Variants in PARD3 observed in about 807,000 individuals in gnomAD.
PARD3 encodes the protein par-3 family cell polarity regulator.
In PARD3, 75 loss-of-function variants were observed where a neutral mutation model predicts 155.4. The ratio of observed to expected loss-of-function variants is 0.48; its 90% CI spans 0.40 to 0.58. The LOEUF is 0.58. PARD3 is among the 20% of genes least tolerant of loss of function. The pLI is 0.00. For synonymous variants in PARD3, 576 were observed against 610.5 expected (o/e 0.94, Z 0.83); for missense variants, 1,642 against 1,721.7 (o/e 0.95, Z 0.82).
At chr10:34,517,180 T>A in intron 2 of PARD3, 21 bp from the exon 3 acceptor site, 1 of 1,607,700 alleles carries the variant, frequency 6.2e-7, no homozygotes, top group Non-Finnish European at 8.5e-7. Context: ...AAGGTAAATG[T>A]GCACTTATAA....
At chr10:34,219,829 A>T (rs891451289) in intron 22 of PARD3, among the ~76,000 whole-genome samples, 3 of 152,190 alleles carry the variant, frequency 2.0e-5, no homozygotes, top group Non-Finnish European at 4.4e-5. Flanking sequence ...TTGGCACTGT[A>T]CTAATCTATA....
In PARD3 at chr10:34,399,358, C is replaced by G; in HGVS notation, c.862G>C (p.Val288Leu). 6.2e-7 allele frequency: 1 copy of G among 1,611,416 alleles called. No individual in the cohort carries two copies. Among genetic ancestry groups the G allele is most frequent in the Non-Finnish European group, 8.5e-7 (1 of 1,177,560 alleles). The change falls in exon 7 of 25, where the codon GTA (valine) becomes CTA (leucine). Residue 288 changes from valine to leucine, a missense_variant. This residue lies in a region of PARD3 where 1,529 missense variants were observed against 1,587.3 expected (regional missense o/e 0.96). Coordinates refer to ENST00000374788, the MANE Select transcript of PARD3 (RefSeq NM_001184785.2). ...PNDGGPLGIH[V>L]VPFSARGGRT... The stretch of plus-strand genomic sequence containing the variant: ...CCGCCTCGAGCACTGAAAGGCACTA[C>G]GTGGATTCCCAGAGGCCCTCCATCG...
chr10:34,566,506 C>T (rs2085953519), intron 2 of PARD3, among the ~76,000 whole-genome samples: 3 of 152,216 alleles, frequency 2.0e-5, no homozygotes. Flanking sequence ...ATACATTATC[C>T]CGGAAATGCA....
intron 2 of PARD3, among the ~76,000 whole-genome samples, chr10:34,540,330 TAAA>T (rs554974256): frequency 1.4e-5 from 2 of 144,292 alleles, no homozygotes; most frequent in African/African-American, 2.5e-5. Flanking sequence ...CACACTATAT[TAAA>T]AAAAAAAAAA....
chr10:34,179,837 G>A (rs995302100), intron 22 of PARD3, among the ~76,000 whole-genome samples: 2 of 152,014 alleles, frequency 1.3e-5, no homozygotes, highest in Non-Finnish European at 2.9e-5. Flanking sequence ...TGTCCTTTAG[G>A]AAAAAGCAAA....
chr10:34,638,440 C>T (rs1348088190), intron 2 of PARD3, among the ~76,000 whole-genome samples: 1 of 152,164 alleles, frequency 6.6e-6, no homozygotes, highest in African/African-American at 2.4e-5. Flanking sequence ...TTCAGTACAT[C>T]TAGGTAGCAG....
intron 2 of PARD3, among the ~76,000 whole-genome samples, chr10:34,550,239 T>C (rs1214994108): frequency 6.6e-6 from 1 of 152,194 alleles, no homozygotes; most frequent in Non-Finnish European, 1.5e-5. Context: ...CTTTTATCTT[T>C]GAGACAGGAT....
intron 21 of PARD3, 59 bp downstream of exon 21, chr10:34,284,076 G>GA: frequency 3.2e-6 from 3 of 944,632 alleles, no homozygotes; most frequent in South Asian, 3.0e-5. Context: ...GAAGAAAGTA[G>GA]AAAGAAAAAA....
chr10:34,691,545 C>G (rs1019538377), intron 2 of PARD3, among the ~76,000 whole-genome samples: 16 of 152,110 alleles, frequency 1.1e-4, no homozygotes, highest in African/African-American at 3.4e-4. Flanking sequence ...TTCAATGCTA[C>G]CCCTATCAAA....
chr10:34,207,975 T>C (rs1951559255), intron 22 of PARD3, among the ~76,000 whole-genome samples: 1 of 152,252 alleles, frequency 6.6e-6, no homozygotes, highest in African/African-American at 2.4e-5. Context: ...GAGCTCTCTC[T>C]GGATAATATA....
chr10:34,420,072 C>G, intron 5 of PARD3, among the ~76,000 whole-genome samples: 1 of 152,204 alleles, frequency 6.6e-6, no homozygotes, highest in East Asian at 1.9e-4. Context: ...CCACCTCAGC[C>G]TCCAGAGTAG....
chr10:34,374,936 T>C lies in PARD3; in HGVS notation c.1606A>G (p.Met536Val), dbSNP rs1176221234. ...EVVSLLRSTK[M>V]EGTVSLLVFR... ...ACCAGAAGGCTCACAGTTCCTTCCA[T>C]CTTGGTGCTTCTCAACAGCGAAACA... is the stretch of plus-strand genomic sequence containing the variant. Residue 536 changes from methionine to valine, a missense_variant, in exon 11 of 25, where the codon ATG (methionine) becomes GTG (valine). Physicochemically the swap from Met to Val is conservative, Grantham distance 21. This residue lies in a region of PARD3 where 1,529 missense variants were observed against 1,587.3 expected (regional missense o/e 0.96). Transcript: ENST00000374788. The C allele has an allele frequency of 6.2e-7, 1 of 1,613,894 alleles. No homozygotes were observed. Among genetic ancestry groups the C allele is most frequent in the Non-Finnish European group, 8.5e-7 (1 of 1,179,820 alleles).
At chr10:34,212,206 C>T (rs1951788646) in intron 22 of PARD3, among the ~76,000 whole-genome samples, 1 of 152,100 alleles carries the variant, frequency 6.6e-6, no homozygotes, top group Admixed American at 6.5e-5. Flanking sequence ...ATCATGACTC[C>T]TCCCCCATCC....
chr10:34,650,742 C>A (rs1005495347), intron 2 of PARD3, among the ~76,000 whole-genome samples: 14 of 152,034 alleles, frequency 9.2e-5, no homozygotes, highest in Non-Finnish European at 1.9e-4. Context: ...CCGGGCACAG[C>A]GGCTCACGCC....
intron 22 of PARD3, among the ~76,000 whole-genome samples, chr10:34,139,837 G>A (rs911599886): frequency 6.6e-6 from 1 of 152,200 alleles, no homozygotes; most frequent in Non-Finnish European, 1.5e-5. Context: ...GGGGATAAAT[G>A]TCACTGAACT....
At chr10:34,702,498 C>T (rs552990534) in intron 1 of PARD3, among the ~76,000 whole-genome samples, 8 of 152,338 alleles carry the variant, frequency 5.3e-5, no homozygotes, top group East Asian at 3.9e-4. Context: ...CTCCCAGCCC[C>T]TGGCGGCTCA....
At chr10:34,556,539 C>A (rs2085006287) in intron 2 of PARD3, among the ~76,000 whole-genome samples, 1 of 151,972 alleles carries the variant, frequency 6.6e-6, no homozygotes, top group Non-Finnish European at 1.5e-5. Context: ...CCCACCACCA[C>A]GCCCGGCTAA....
chr10:34,696,085 A>C lies in PARD3; in HGVS notation c.222+233T>G, dbSNP rs1242524353. On this transcript the variant is annotated intron_variant, in intron 2 of 24. Transcript: ENST00000374788. Reference sequence around the variant, plus strand: ...ATTTCCATTGTAAAAGTGTAGTTTTAAAACCCCAAAACCTAGTGTTAAGTC... The same window carrying C: ...ATTTCCATTGTAAAAGTGTAGTTTTCAAACCCCAAAACCTAGTGTTAAGTC... 2.0e-5 allele frequency among the ~76,000 whole-genome samples: 3 copies of C among 152,330 alleles called. No homozygotes were observed. The South Asian group carries it at 6.2e-4, about 32-fold the overall frequency.
chr10:34,397,570 A>T (rs117876845), intron 7 of PARD3, among the ~76,000 whole-genome samples: 108 of 152,314 alleles, frequency 7.1e-4, no homozygotes, highest in Admixed American at 1.5e-3. Context: ...TGCCATGGTA[A>T]CCAGAAACTG....
Sources: gnomAD v4.1 joint callset for allele counts (sites outside exome capture counted in the v4.1 genomes callset) on GRCh38, gnomAD v4.1.1 for gene constraint, gnomAD v4.1.1 regional missense constraint, MANE v1.5 for transcripts, NCBI Gene and HGNC (gene_info 2026-07-23, HGNC 2026-07-21) for gene names.